The following WDPCP variants were observed in gnomAD, a reference collection of about 807,000 sequenced individuals.
The protein encoded by WDPCP is WD repeat-containing and planar cell polarity effector protein fritz homolog.
Under a neutral mutation model 93.1 loss-of-function variants are expected in WDPCP, and 71 were observed. That is an observed-to-expected ratio of 0.76 (90% confidence interval 0.63 to 0.93). The LOEUF (loss-of-function observed/expected upper bound fraction) is 0.93. Ranked by LOEUF, WDPCP falls within the 40% of genes least tolerant of loss-of-function variation. The pLI is 0.00. For missense variants in WDPCP, 844 were observed against 887.4 expected (o/e 0.95, Z 0.62); for synonymous variants, 315 against 315.0 (o/e 1.00, Z 0.00).
Position 63,588,158 on chromosome 2 carries a change from G to C in WDPCP, c.75+39C>G, listed in dbSNP as rs767536207. On this transcript the variant is annotated intron_variant, in intron 1 of 17. Coordinates refer to ENST00000272321, the MANE Select transcript of WDPCP (RefSeq NM_015910.7). ...GCACCAACCGCATTCCGGATCCTAAGGTTAAAAGAAAACCCCTTGCCCTCG... is the reference window on the plus strand; with the variant it reads ...GCACCAACCGCATTCCGGATCCTAACGTTAAAAGAAAACCCCTTGCCCTCG... The C allele has an allele frequency of 1.2e-5, 18 of 1,551,008 alleles. No individual in the cohort carries two copies. The African/African-American group carries it at 1.8e-4, about 15-fold the overall frequency.
At chr2:63,353,351 G>A (rs977638586) in intron 12 of WDPCP, among the ~76,000 whole-genome samples, 1 of 152,142 alleles carries the variant, frequency 6.6e-6, no homozygotes, top group African/African-American at 2.4e-5. Context: ...CTAGGAAAGA[G>A]GCTGAATCCA....
intron 1 of WDPCP, among the ~76,000 whole-genome samples, chr2:63,530,310 T>A (rs573499480): frequency 2.0e-5 from 3 of 152,250 alleles, no homozygotes; most frequent in Admixed American, 1.3e-4. Context: ...CAATTTTAGA[T>A]CTTTCCTGCT....
chr2:63,809,281 A>G (rs1191516415), intron 2 of WDPCP, among the ~76,000 whole-genome samples: 4 of 143,070 alleles, frequency 2.8e-5, no homozygotes, highest in African/African-American at 8.0e-5. Flanking sequence ...CCCATCCGGG[A>G]GGGAGGTGGG....
At chr2:63,678,646 A>G (rs1377715840) in intron 2 of WDPCP, among the ~76,000 whole-genome samples, 2 of 152,226 alleles carry the variant, frequency 1.3e-5, no homozygotes, top group African/African-American at 2.4e-5. Flanking sequence ...TGTGTGATTT[A>G]GCTTTTGCTA....
At chr2:63,457,934 G>A (rs1204356633) in intron 6 of WDPCP, among the ~76,000 whole-genome samples, 1 of 152,014 alleles carries the variant, frequency 6.6e-6, no homozygotes, top group African/African-American at 2.4e-5. Context: ...GACCATCTTG[G>A]CCAACATGGT....
At chr2:63,695,900 G>A (rs1343881437) in intron 2 of WDPCP, among the ~76,000 whole-genome samples, 2 of 151,956 alleles carry the variant, frequency 1.3e-5, no homozygotes, top group African/African-American at 2.4e-5. Flanking sequence ...TAGTGTCAGT[G>A]GCCTCATCCT....
chr2:63,778,999 A>G (rs1222987914), intron 2 of WDPCP, among the ~76,000 whole-genome samples: 2 of 152,066 alleles, frequency 1.3e-5, no homozygotes, highest in Non-Finnish European at 2.9e-5. Context: ...CTCTCTCCCA[A>G]TTGAGAAACA....
chr2:63,541,952 CAT>C (rs1435791097), intron 1 of WDPCP, among the ~76,000 whole-genome samples: 2 of 152,138 alleles, frequency 1.3e-5, no homozygotes, highest in Admixed American at 1.3e-4. Flanking sequence ...AAAGCCTAAA[CAT>C]ATTTACATAA....
At chr2:63,754,678 C>A (rs1468397926) in intron 2 of WDPCP, among the ~76,000 whole-genome samples, 1 of 152,108 alleles carries the variant, frequency 6.6e-6, no homozygotes, top group East Asian at 1.9e-4. Flanking sequence ...GAGGAAAGGG[C>A]CCTCCTTTAC....
chr2:63,299,136 C>G (rs1443476665), intron 13 of WDPCP, among the ~76,000 whole-genome samples: 1 of 152,202 alleles, frequency 6.6e-6, no homozygotes, highest in Non-Finnish European at 1.5e-5. Flanking sequence ...AGGGCACAGG[C>G]TGCTATTGAC....
At chr2:63,484,036 C>T (rs537870244) in intron 6 of WDPCP, among the ~76,000 whole-genome samples, 4 of 152,036 alleles carry the variant, frequency 2.6e-5, no homozygotes, top group African/African-American at 9.6e-5. Flanking sequence ...CTATTGAACA[C>T]TTAAATGCGG....
At chr2:63,525,686 C>A (rs1427705232) in intron 1 of WDPCP, among the ~76,000 whole-genome samples, 3 of 152,114 alleles carry the variant, frequency 2.0e-5, no homozygotes, top group African/African-American at 7.2e-5. Flanking sequence ...TCTGTTTCCT[C>A]CATCTGGTCT....
intron 14 of WDPCP, among the ~76,000 whole-genome samples, chr2:63,253,397 A>G (rs1431765589): frequency 6.6e-6 from 1 of 152,166 alleles, no homozygotes; most frequent in Non-Finnish European, 1.5e-5. Context: ...AGTGGGGCCC[A>G]ATTAAACCAA....
chr2:63,281,597 G>A (rs189315471), intron 13 of WDPCP, among the ~76,000 whole-genome samples: 32 of 152,152 alleles, frequency 2.1e-4, no homozygotes, highest in Non-Finnish European at 3.7e-4. Flanking sequence ...ATCAACGAGC[G>A]GATAAAGAAA....
intron 13 of WDPCP, among the ~76,000 whole-genome samples, chr2:63,269,610 C>CAGAT (rs1682457096): frequency 6.6e-6 from 1 of 152,110 alleles, no homozygotes; most frequent in African/African-American, 2.4e-5. Flanking sequence ...CAGTTATTGA[C>CAGAT]AGATAATTAT....
chr2:63,522,455 G>GAC (rs112008719), intron 1 of WDPCP, among the ~76,000 whole-genome samples: 23,227 of 127,118 alleles, frequency 0.18, 2,147 homozygotes, highest in Non-Finnish European at 0.24. Context: ...CAGACAGACA[G>GAC]ACACACACAC....
chr2:63,185,157 A>T (rs1476619250), intron 14 of WDPCP, among the ~76,000 whole-genome samples: 1 of 151,892 alleles, frequency 6.6e-6, no homozygotes, highest in Non-Finnish European at 1.5e-5. Flanking sequence ...TGGTTTTTGG[A>T]TTTCTTTTGG....
chr2:63,505,793 G>T (rs1701832560), intron 1 of WDPCP, among the ~76,000 whole-genome samples: 1 of 151,982 alleles, frequency 6.6e-6, no homozygotes, highest in South Asian at 2.1e-4. Flanking sequence ...CATTTACAAA[G>T]CATCTACTAA....
chr2:63,301,498 A>G (rs988407998), intron 13 of WDPCP, among the ~76,000 whole-genome samples: 1 of 152,184 alleles, frequency 6.6e-6, no homozygotes, highest in African/African-American at 2.4e-5. Context: ...TTCTTCAACT[A>G]TTATGTAGTT....
Sources: gnomAD v4.1 joint callset for allele counts (sites outside exome capture counted in the v4.1 genomes callset) on GRCh38, gnomAD v4.1.1 for gene constraint, MANE v1.5 for transcripts, NCBI Gene and HGNC (gene_info 2026-07-23, HGNC 2026-07-21) for gene names.